Variants in SYS1 observed in about 807,000 individuals in gnomAD.
SYS1 encodes the protein SYS1 golgi trafficking protein.
A neutral mutation model predicts 17.8 loss-of-function variants in SYS1; 8 were observed. That is an observed-to-expected ratio of 0.45 (90% CI 0.26 to 0.81). SYS1 has a LOEUF of 0.81. Ranked by LOEUF, SYS1 falls within the 40% of genes least tolerant of loss-of-function variation. The pLI, the probability that SYS1 is intolerant of heterozygous loss-of-function variation, is 0.16. For missense variants in SYS1, 161 were observed against 203.9 expected, an observed-to-expected ratio of 0.79 and a Z score of 1.28; for synonymous variants, 95 against 90.9, an observed-to-expected ratio of 1.05 and a Z score of -0.26.
chr20:45,365,569 C>T (rs912019195), intron 2 of SYS1, 50 bp from the exon 3 acceptor site: 5 of 1,574,800 alleles, frequency 3.2e-6, no homozygotes, highest in East Asian at 2.2e-5. Flanking sequence ...GATCCTGGGG[C>T]TCTGCCAAGT....
rs951564788 is a variant in SYS1 at position 45,363,255 on chromosome 20, T to G, written c.-64T>G. 2.5e-6 allele frequency: 3 copies of G among 1,208,130 alleles called. No individual in the cohort carries two copies. The highest frequency in any genetic ancestry group is 3.1e-6 in the Non-Finnish European group (3 of 964,986). 74.8% of individuals were successfully genotyped at this position (1,208,130 alleles called of 1,614,324 possible). A position where few individuals can be genotyped will look rare whatever the true frequency, so the allele number is the denominator to read the frequency against. ...ATGGTCCTGTCTGTCAGCGCTGTTTTGGGAGCCCGCCGGTGAGGCCGGGCC... is the reference window on the plus strand; with the variant it reads ...ATGGTCCTGTCTGTCAGCGCTGTTTGGGGAGCCCGCCGGTGAGGCCGGGCC... On this transcript the variant is annotated 5_prime_UTR_variant, in exon 1 of 4. Transcript: ENST00000243918.
rs377225785 is a variant in SYS1, at chr20:45,375,524, G to T, written c.*1230G>T. On this transcript the variant is annotated 3_prime_UTR_variant, in exon 4 of 4. Coordinates refer to the SYS1 transcript ENST00000426004. ...ATCTCCTGGAACTCTTCATTATTTT[G>T]TTTTGTTTTATTGCAGGCACTGTTT... 1.1e-5 allele frequency: 17 copies of T among 1,601,766 alleles called. No individual in the cohort carries two copies. The highest frequency in any genetic ancestry group is 1.4e-5 in the Non-Finnish European group (17 of 1,176,296).
intron 1 of SYS1, 45 bp downstream of exon 1, chr20:45,363,360 A>C (rs896418976): frequency 1.1e-5 from 16 of 1,426,594 alleles, no homozygotes; most frequent in African/African-American, 1.4e-5. Flanking sequence ...GGGGCCGCGC[A>C]GGCGGAATGG....
chr20:45,363,063 T>G (rs576735847), upstream of SYS1: 1 of 981,676 alleles, frequency 1.0e-6, no homozygotes, highest in East Asian at 1.1e-4. Flanking sequence ...TCCGGCTGCT[T>G]GTACCTGGTT....
chr20:45,371,543 C>T (rs1360673562), downstream of SYS1, among the ~76,000 whole-genome samples: 1 of 152,166 alleles, frequency 6.6e-6, no homozygotes, highest in Admixed American at 6.5e-5. Context: ...GACAAAGAAA[C>T]AGAGGATTGG....
upstream of SYS1, among the ~76,000 whole-genome samples, chr20:45,362,806 C>A (rs1231669601): frequency 6.6e-6 from 1 of 152,230 alleles, no homozygotes; most frequent in African/African-American, 2.4e-5. Flanking sequence ...TGCAGGTCCA[C>A]TTCAAGTTAT....
Position 45,368,009 on chromosome 20 carries a change from G to A in SYS1, c.*894G>A, listed in dbSNP as rs1171747844. On this transcript the variant is annotated 3_prime_UTR_variant, in exon 4 of 4. Coordinates refer to ENST00000243918, the MANE Select transcript of SYS1 (RefSeq NM_033542.4). The stretch of plus-strand genomic sequence containing the variant: ...TGGCCTGGGCTGTGCTGATAGTGCT[G>A]AGGGAGATAGGAATTTGCTGCTAAG... 1.0e-6 allele frequency: 1 copy of A among 985,544 alleles called. No homozygotes were observed. Among genetic ancestry groups the A allele is most frequent in the Non-Finnish European group, 1.2e-6 (1 of 830,010 alleles). The allele number at this position is 985,544 out of a possible 1,614,324, so 61.0% of individuals were successfully genotyped here.
At chr20:45,365,814 C>T in intron 3 of SYS1, 128 bp downstream of exon 3, 1 of 916,182 alleles carries the variant, frequency 1.1e-6, no homozygotes. Context: ...GTGACAGAGG[C>T]CAGTTCTGGG....
chr20:45,368,107 T>G lies in SYS1; in HGVS notation c.*992T>G, dbSNP rs549077728. On this transcript the variant is annotated 3_prime_UTR_variant, in exon 4 of 4. Coordinates refer to ENST00000243918, the MANE Select transcript of SYS1 (RefSeq NM_033542.4). ...CTTCCTGTGTATACAAATACAGTAT[T>G]TTCCATGGTTCTGCCTGCACTTACT... The G allele has an allele frequency of 1.2e-5, 12 of 985,318 alleles. No individual in the cohort carries two copies. The highest frequency in any genetic ancestry group is 1.3e-5 in the Non-Finnish European group (11 of 829,946). The allele number at this position is 985,318 out of a possible 1,614,324, so 61.0% of individuals were successfully genotyped here.
At chr20:45,365,837 ATGGGCCTCCTTCCAT>A in intron 3 of SYS1, 151 bp downstream of exon 3, 1 of 748,602 alleles carries the variant, frequency 1.3e-6, no homozygotes, top group South Asian at 1.5e-5. Context: ...CAGCTGTATA[ATGGGCCTCCTTCCAT>A]TGCTGTTTTG....
intron 2 of SYS1, among the ~76,000 whole-genome samples, chr20:45,364,541 G>A (rs1001857817): frequency 3.2e-5 from 4 of 125,468 alleles, no homozygotes; most frequent in Non-Finnish European, 4.7e-5. Context: ...GCAGGATCTC[G>A]GCTCACTGCA....
intron 3 of SYS1, among the ~76,000 whole-genome samples, chr20:45,366,249 A>G (rs1988410412): frequency 6.6e-6 from 1 of 152,216 alleles, no homozygotes; most frequent in South Asian, 2.1e-4. Context: ...AAATGGGGCT[A>G]GTAATATTAC....
downstream of SYS1, among the ~76,000 whole-genome samples, chr20:45,369,527 A>G (rs944389682): frequency 1.3e-5 from 2 of 151,800 alleles, no homozygotes; most frequent in Non-Finnish European, 2.9e-5. Context: ...GATGAATAGT[A>G]CTTTATAAAC....
At chr20:45,363,084 A>AGGCAGAGGTTGC, upstream of SYS1, 1 of 992,784 alleles carries the variant, frequency 1.0e-6, no homozygotes, top group Non-Finnish European at 1.2e-6. Context: ...CAGGAGGTTC[A>AGGCAGAGGTTGC]GGCAGAGGTT....
At chr20:45,362,010 G>A (rs145379123), upstream of SYS1, 10 of 985,356 alleles carry the variant, frequency 1.0e-5, no homozygotes, top group Non-Finnish European at 1.2e-5. Context: ...ATGGGTTTTC[G>A]TCTGCTGGAG....
chr20:45,366,901 G>A lies in SYS1; in HGVS notation c.257G>A (p.Arg86Gln), dbSNP rs1355256296. 4.3e-6 allele frequency: 7 copies of A among 1,613,970 alleles called. No homozygotes were observed. Among genetic ancestry groups the A allele is most frequent in the African/African-American group, 1.3e-5 (1 of 74,872 alleles). ...GCCCTGGGCTTGCTGTACTTCATCCGGCGAGGAAAGCAGTGTCTGGATTTC... is the reference window on the plus strand; with the variant it reads ...GCCCTGGGCTTGCTGTACTTCATCCAGCGAGGAAAGCAGTGTCTGGATTTC... ...TCALGLLYFIRRGKQCLDFTV... is the reference protein window; with the variant it reads ...TCALGLLYFIQRGKQCLDFTV... The change falls in exon 4 of 4, where the codon CGG (arginine) becomes CAG (glutamine). Residue 86 changes from arginine to glutamine, a missense_variant. Transcript: ENST00000243918.
downstream of SYS1, chr20:45,374,201 T>G: frequency 1.5e-6 from 1 of 674,280 alleles, no homozygotes; most frequent in Non-Finnish European, 2.7e-6. Flanking sequence ...GGGACTTTCA[T>G]TCTCCCACGA....
Position 45,368,712 on chromosome 20 carries a change from A to C in SYS1, c.*1597A>C. On this transcript the variant is annotated 3_prime_UTR_variant, in exon 4 of 4. Transcript: ENST00000243918. The stretch of plus-strand genomic sequence containing the variant: ...AGGAAGCAGTTTGTTAATGAGGCAC[A>C]GTAATCCTGGCTGCAGGGTCTAGGA... The C allele has an allele frequency of 1.0e-6, 1 of 985,518 alleles. No homozygotes were observed. Among genetic ancestry groups the C allele is most frequent in the Non-Finnish European group, 1.2e-6 (1 of 829,980 alleles). The allele number at this position is 985,518 out of a possible 1,614,324, so 61.0% of individuals were successfully genotyped here.
chr20:45,374,195 C>T, downstream of SYS1: 1 of 672,654 alleles, frequency 1.5e-6, no homozygotes, highest in South Asian at 1.6e-5. Context: ...TTTCGTGGGA[C>T]TTTCATTCTC....
Sources: gnomAD v4.1 joint callset for allele counts (sites outside exome capture counted in the v4.1 genomes callset) on GRCh38, gnomAD v4.1.1 for gene constraint, MANE v1.5 for transcripts, NCBI Gene and HGNC (gene_info 2026-07-23, HGNC 2026-07-21) for gene names.